Variants in USP9X observed in about 807,000 individuals in gnomAD.
USP9X encodes ubiquitin carboxyl-terminal hydrolase 9X.
USP9X carries 7 observed loss-of-function variants against 190.3 expected under a neutral mutation model. The ratio of observed to expected loss-of-function variants is 0.04; its 90% CI spans 0.02 to 0.07. The LOEUF (loss-of-function observed/expected upper bound fraction) is 0.07, where lower values mean the gene tolerates loss of function less well. USP9X is among the 10% of genes least tolerant of loss of function. The pLI, the probability that USP9X is intolerant of heterozygous loss-of-function variation, is 1.00. For missense variants in USP9X, 1,010 were observed against 1,916.9 expected, an observed-to-expected ratio of 0.53 and a Z score of 8.83; for synonymous variants, 645 against 659.5, an observed-to-expected ratio of 0.98 and a Z score of 0.34.
At chrX:41,231,769 C>T (rs1231541305) in intron 44 of USP9X, among the ~76,000 whole-genome samples, 1 of 109,037 alleles carries the variant, frequency 9.2e-6, no homozygotes, top group African/African-American at 3.3e-5. Context: ...AAAATCTTGG[C>T]TTGGCTGATG....
chrX:41,214,426 TAACA>T lies in USP9X; in HGVS notation c.5190-138_5190-135del, dbSNP rs956995266. On this transcript the variant is annotated intron_variant, in intron 33 of 44. Transcript: ENST00000378308. ...CCAACATGGCACATGTATACATATGTAACAAACCTGCACGTTGTGGACATGTACC... is the reference window on the plus strand; with the variant it reads ...CCAACATGGCACATGTATACATATGTAACCTGCACGTTGTGGACATGTACC... The T allele has an allele frequency of 8.6e-5, 46 of 537,758 alleles. No homozygotes were observed. The East Asian group carries it at 1.1e-3, about 12-fold the overall frequency. The allele number at this position is 537,758 out of a possible 1,213,427, so 44.3% of individuals were successfully genotyped here. A position where few individuals can be genotyped will look rare whatever the true frequency, so the allele number is the denominator to read the frequency against.
Position 41,141,043 on chromosome X carries a change from C to T in USP9X, c.848C>T (p.Pro283Leu), listed in dbSNP as rs2147048137. The change falls in exon 8 of 45, where the codon CCA becomes CTA. Residue 283 changes from proline (P) to leucine (L), a missense_variant. Coordinates refer to ENST00000378308, the MANE Select transcript of USP9X (RefSeq NM_001039591.3). ...KYFLPIIEMV[P>L]QFLENLTDEE... ...TTTCTTCCAATAATAGAAATGGTTC[C>T]ACAGTTTTTAGAAAACTTAACTGAT... 1.7e-6 allele frequency: 2 copies of T among 1,206,467 alleles called. No individual in the cohort carries two copies. The highest frequency in any genetic ancestry group is 2.2e-6 in the Non-Finnish European group (2 of 893,053).
At chrX:41,176,239 GCTCTA>G (rs2062773986) in intron 21 of USP9X, among the ~76,000 whole-genome samples, 2 of 111,595 alleles carry the variant, frequency 1.8e-5, no homozygotes, top group Non-Finnish European at 3.8e-5. Context: ...TTTATGCTGA[GCTCTA>G]CCCACTTATT....
chrX:41,128,362 A>T (rs1172472762), intron 2 of USP9X, among the ~76,000 whole-genome samples: 1 of 111,833 alleles, frequency 8.9e-6, no homozygotes, highest in African/African-American at 3.2e-5. Context: ...AGAAATCCTG[A>T]GTATAGAATT....
At position 41,183,920 on chromosome X, in the gene USP9X, T is replaced by C. The variant is rs1222149999; in HGVS notation, c.3149-78T>C. ...AGTGGATTGTTATTCCATATTAGTA[T>C]GGTCTTCAAGATATCAAAAGTTAAA... On this transcript the variant is annotated intron_variant, in intron 21 of 44. Transcript: ENST00000378308. 5 of 1,081,682 alleles carry C rather than the reference T, an allele frequency of 4.6e-6. No individual in the cohort carries two copies. The African/African-American group carries it at 7.5e-5, about 16-fold the overall frequency. 89.1% of individuals were successfully genotyped at this position (1,081,682 alleles called of 1,213,427 possible). A position where few individuals can be genotyped will look rare whatever the true frequency, so the allele number is the denominator to read the frequency against.
intron 2 of USP9X, among the ~76,000 whole-genome samples, chrX:41,127,788 A>G (rs1328992071): frequency 1.8e-5 from 2 of 112,165 alleles, no homozygotes; most frequent in Non-Finnish European, 3.8e-5. Flanking sequence ...TATTTATGCA[A>G]CTCTTTATTT....
chrX:41,193,719 T>G (rs2062957860), intron 26 of USP9X, among the ~76,000 whole-genome samples: 1 of 110,809 alleles, frequency 9.0e-6, no homozygotes, highest in Non-Finnish European at 1.9e-5. Flanking sequence ...TCCTAACTAG[T>G]CAGGAGGCTG....
chrX:41,125,722 GCA>G (rs2062242188), intron 2 of USP9X, among the ~76,000 whole-genome samples: 5 of 67,397 alleles, frequency 7.4e-5, no homozygotes, highest in African/African-American at 1.9e-4. Context: ...TCTCTCTCGC[GCA>G]CGCGCGCGCG....
Position 41,085,613 on chromosome X carries a change from C to A in USP9X, c.-655C>A, listed in dbSNP as rs1440685050. 2.8e-5 allele frequency: 8 copies of A among 284,330 alleles called. No individual in the cohort carries two copies. Among genetic ancestry groups the A allele is most frequent in the South Asian group, 4.3e-4 (2 of 4,612 alleles). The allele number at this position is 284,330 out of a possible 1,213,427, so 23.4% of individuals were successfully genotyped here. A position where few individuals can be genotyped will look rare whatever the true frequency, so the allele number is the denominator to read the frequency against. On this transcript the variant is annotated 5_prime_UTR_variant, in exon 1 of 45. Transcript: ENST00000378308. The stretch of plus-strand genomic sequence containing the variant: ...CCCGGGCCTCGCGGGAGCCCGCCGC[C>A]GCCGCCTCTCTCTCACGGGAGGCGG...
At chrX:41,130,109 A>G (rs972776685) in intron 3 of USP9X, among the ~76,000 whole-genome samples, 3 of 111,787 alleles carry the variant, frequency 2.7e-5, no homozygotes, top group African/African-American at 9.7e-5. Context: ...TTACTATCAT[A>G]TATGAATTGA....
chrX:41,175,451 A>G (rs972071698), intron 21 of USP9X, among the ~76,000 whole-genome samples: 7 of 110,101 alleles, frequency 6.4e-5, no homozygotes, highest in African/African-American at 9.9e-5. Context: ...AGCCTGGGAG[A>G]TGGAGACTGC....
Position 41,187,992 on chromosome X carries a change from G to A in USP9X, c.3685G>A (p.Ala1229Thr). The A allele has an allele frequency of 8.3e-7, 1 of 1,204,365 alleles. No homozygotes were observed. Among genetic ancestry groups the A allele is most frequent in the African/African-American group, 1.7e-5 (1 of 57,465 alleles). Residue 1229 changes from alanine to threonine, a missense_variant and splice_region_variant, in exon 25 of 45, where the codon GCT becomes ACT. Coordinates refer to ENST00000378308, the MANE Select transcript of USP9X (RefSeq NM_001039591.3). ...GTTCTATTTACTCGTTATCTTGCAG[G>A]CTTCAAGATATATGCCTGATATTTG... Reference protein sequence around the residue: ...VRLAQQISDEASRYMPDICVI... With the variant: ...VRLAQQISDETSRYMPDICVI...
Position 41,085,729 on chromosome X carries a change from G to A in USP9X, c.-539G>A. On this transcript the variant is annotated 5_prime_UTR_variant, in exon 1 of 45. Coordinates refer to ENST00000378308, the MANE Select transcript of USP9X (RefSeq NM_001039591.3). ...GGCCTGGAGCGGGGACAGAGGCGGC[G>A]ACTAGGGGAAGGTGAAGCCGTCGCT... The A allele has an allele frequency of 3.4e-6, 1 of 298,032 alleles. No homozygotes were observed. The highest frequency in any genetic ancestry group is 4.7e-5 in the East Asian group (1 of 21,055). 24.6% of individuals were successfully genotyped at this position (298,032 alleles called of 1,213,427 possible).
intron 39 of USP9X, among the ~76,000 whole-genome samples, chrX:41,223,633 C>T (rs767413526): frequency 3.6e-5 from 4 of 111,158 alleles, no homozygotes; most frequent in Non-Finnish European, 7.5e-5. Flanking sequence ...GACGGGGTTT[C>T]GCCATGTTGG....
intron 1 of USP9X, among the ~76,000 whole-genome samples, chrX:41,097,667 T>C (rs149687342): frequency 2.4e-3 from 268 of 112,390 alleles, no homozygotes; most frequent in Middle Eastern, 0.019. Context: ...GGCATTGTTT[T>C]ACATGTTTTA....
intron 12 of USP9X, among the ~76,000 whole-genome samples, chrX:41,148,902 T>G (rs1269192204): frequency 8.9e-6 from 1 of 111,955 alleles, no homozygotes; most frequent in Non-Finnish European, 1.9e-5. Flanking sequence ...GAAGAGAAAT[T>G]AGGTTTTCTT....
intron 6 of USP9X, among the ~76,000 whole-genome samples, 158 bp downstream of exon 6, chrX:41,137,180 C>G (rs1051252074): frequency 8.9e-6 from 1 of 111,740 alleles, no homozygotes; most frequent in Non-Finnish European, 1.9e-5. Context: ...CGTTCTAGTT[C>G]TTTGTTTTTT....
Position 41,232,799 on chromosome X carries a change from G to C in USP9X, c.*275G>C. 6.2e-6 allele frequency: 1 copy of C among 160,895 alleles called. No homozygotes were observed. Among genetic ancestry groups the C allele is most frequent in the Non-Finnish European group, 1.2e-5 (1 of 83,596 alleles). 13.3% of individuals were successfully genotyped at this position (160,895 alleles called of 1,213,427 possible). A position where few individuals can be genotyped will look rare whatever the true frequency, so the allele number is the denominator to read the frequency against. On this transcript the variant is annotated 3_prime_UTR_variant, in exon 45 of 45. Coordinates refer to ENST00000378308, the MANE Select transcript of USP9X (RefSeq NM_001039591.3). ...ATTAATGTTGACTGTTAATTCTTAAGCAAGAAACTTTTTTCTTGATGAGAC... is the reference window on the plus strand; with the variant it reads ...ATTAATGTTGACTGTTAATTCTTAACCAAGAAACTTTTTTCTTGATGAGAC...
chrX:41,151,858 G>A (rs1263715775), intron 13 of USP9X, among the ~76,000 whole-genome samples: 1 of 112,385 alleles, frequency 8.9e-6, no homozygotes, highest in Non-Finnish European at 1.9e-5. Flanking sequence ...GCATGCGCCT[G>A]TAGTCCCAGT....
Sources: gnomAD v4.1 joint callset for allele counts (sites outside exome capture counted in the v4.1 genomes callset) on GRCh38, gnomAD v4.1.1 for gene constraint, MANE v1.5 for transcripts, NCBI Gene and HGNC (gene_info 2026-07-23, HGNC 2026-07-21) for gene names.